Variants in MAGT1 observed in about 807,000 individuals in gnomAD.
The protein encoded by MAGT1 is dolichyl-diphosphooligosaccharide--protein glycosyltransferase subunit MAGT1.
Under a neutral mutation model 28.4 loss-of-function variants are expected in MAGT1, and 4 were observed. The ratio of observed to expected loss-of-function variants is 0.14; its 90% confidence interval spans 0.07 to 0.32. The LOEUF (loss-of-function observed/expected upper bound fraction) is 0.32, where lower values mean the gene tolerates loss of function less well. MAGT1 is among the 10% of genes least tolerant of loss of function. MAGT1 has a pLI of 1.00. For missense variants in MAGT1, 193 were observed against 264.5 expected, an observed-to-expected ratio of 0.73 and a Z score of 1.88; for synonymous variants, 89 against 89.7, an observed-to-expected ratio of 0.99 and a Z score of 0.04.
intron 3 of MAGT1, among the ~76,000 whole-genome samples, chrX:77,864,952 T>C (rs2077004584): frequency 8.9e-6 from 1 of 112,184 alleles, no homozygotes; most frequent in Non-Finnish European, 1.9e-5. Context: ...CCTGAAGTGA[T>C]CCCCACGCCT....
chrX:77,879,723 C>T (rs1242044727), intron 1 of MAGT1, among the ~76,000 whole-genome samples: 3 of 108,990 alleles, frequency 2.8e-5, no homozygotes, highest in African/African-American at 1.0e-4. Flanking sequence ...GACTTGCTTA[C>T]ATTAACATGT....
intron 1 of MAGT1, among the ~76,000 whole-genome samples, chrX:77,878,473 CA>C (rs35416085): frequency 2.6e-4 from 14 of 53,578 alleles, no homozygotes; most frequent in East Asian, 5.9e-4. Context: ...ACTCTGTCTC[CA>C]AAAAAAAAAA....
At chrX:77,848,825 C>T (rs782530924) in intron 7 of MAGT1, among the ~76,000 whole-genome samples, 4 of 110,297 alleles carry the variant, frequency 3.6e-5, no homozygotes, top group Admixed American at 9.8e-5. Context: ...CCAGCCTGGA[C>T]GACAGGGCGA....
chrX:77,841,063 A>G lies in MAGT1; in HGVS notation c.901+183T>C, dbSNP rs1285217728. 6.3e-5 allele frequency among the ~76,000 whole-genome samples: 7 copies of G among 111,514 alleles called. No individual in the cohort carries two copies. The South Asian group carries it at 1.1e-3, about 18-fold the overall frequency. ...GCTCCTGTTTTTTTACATTTTCTAT[A>G]ATGAGCATATATTAATTTTAAAATA... On this transcript the variant is annotated intron_variant, in intron 8 of 9. Coordinates refer to ENST00000618282, the MANE Select transcript of MAGT1 (RefSeq NM_001367916.1).
At chrX:77,860,480 A>C (rs1269275915) in intron 3 of MAGT1, among the ~76,000 whole-genome samples, 1 of 111,791 alleles carries the variant, frequency 8.9e-6, no homozygotes, top group Non-Finnish European at 1.9e-5. Context: ...TTATCTAATA[A>C]GGAGTTAATA....
chrX:77,895,504 C>G (rs185325713), upstream of MAGT1: 4 of 1,169,623 alleles, frequency 3.4e-6, no homozygotes, highest in Non-Finnish European at 3.4e-6. Context: ...TGCCTTTCCT[C>G]ATTGGTCCAG....
chrX:77,848,940 G>T (rs2076959413), intron 7 of MAGT1, among the ~76,000 whole-genome samples: 1 of 109,782 alleles, frequency 9.1e-6, no homozygotes, highest in African/African-American at 3.3e-5. Flanking sequence ...CTTGATTCTG[G>T]GAGGTCGAGG....
At chrX:77,839,500 C>T (rs1462913581) in intron 8 of MAGT1, among the ~76,000 whole-genome samples, 5 of 84,131 alleles carry the variant, frequency 5.9e-5, no homozygotes, top group East Asian at 4.0e-4. Context: ...TGCGCCACAA[C>T]GCCTGGCTAA....
chrX:77,849,836 T>C (rs1352293083), intron 7 of MAGT1, among the ~76,000 whole-genome samples: 9 of 104,063 alleles, frequency 8.6e-5, no homozygotes, highest in Admixed American at 7.4e-4. Flanking sequence ...GATCACACCA[T>C]TGAACTCTAG....
chrX:77,869,624 T>C (rs181373058), intron 3 of MAGT1, among the ~76,000 whole-genome samples: 6 of 108,644 alleles, frequency 5.5e-5, no homozygotes, highest in Non-Finnish European at 1.1e-4. Flanking sequence ...AAAGAAGATA[T>C]ACAAATGGCC....
intron 7 of MAGT1, among the ~76,000 whole-genome samples, chrX:77,846,114 T>G (rs1250036839): frequency 1.8e-5 from 2 of 111,746 alleles, no homozygotes; most frequent in Non-Finnish European, 3.8e-5. Context: ...CCATATTTCT[T>G]GGAGGCTTTG....
chrX:77,895,153 T>C (rs1557219776), intron 1 of MAGT1, among the ~76,000 whole-genome samples, 156 bp downstream of exon 1: 4 of 111,668 alleles, frequency 3.6e-5, no homozygotes, highest in Non-Finnish European at 1.9e-5. Context: ...GAGTTACAGT[T>C]CCTTCTCTCA....
intron 7 of MAGT1, among the ~76,000 whole-genome samples, chrX:77,844,455 G>A (rs1232382638): frequency 1.3e-4 from 15 of 111,178 alleles, no homozygotes; most frequent in Non-Finnish European, 2.3e-4. Context: ...CTTCAGTTCT[G>A]ATCTGATCTT....
chrX:77,850,455 G>A (rs1204634439), intron 7 of MAGT1, among the ~76,000 whole-genome samples: 5 of 75,544 alleles, frequency 6.6e-5, no homozygotes, highest in Non-Finnish European at 9.4e-5. Flanking sequence ...CAGTCTGGGT[G>A]ACAGAGCGAG....
At chrX:77,895,273 G>A (rs1187711116) in intron 1 of MAGT1, 36 bp downstream of exon 1, 7 of 1,198,677 alleles carry the variant, frequency 5.8e-6, no homozygotes, top group Non-Finnish European at 7.9e-6. Flanking sequence ...CCCAGTCATT[G>A]GGAAAAGCCC....
chrX:77,885,522 C>CA (rs1306233040), intron 1 of MAGT1: 107 of 80,776 alleles, frequency 1.3e-3, no homozygotes, highest in Middle Eastern at 7.9e-3. Context: ...GACTCTGTCT[C>CA]AAAAAAAAAA....
chrX:77,832,159 A>T lies in MAGT1; in HGVS notation c.902-1264T>A, dbSNP rs142424363. 3.8e-3 allele frequency among the ~76,000 whole-genome samples: 421 copies of T among 112,060 alleles called. 1 individual carries two copies. Among genetic ancestry groups the T allele is most frequent in the African/African-American group, 0.013 (398 of 30,925 alleles). On this transcript the variant is annotated intron_variant, in intron 8 of 9. Transcript: ENST00000618282. ...CCTACATTAGCACAGCAGTTATTAA[A>T]GTGAACTACAAATACTAATCCCCAA...
At chrX:77,842,609 CTTAAGTCAGGAGT>C (rs2076938209) in intron 7 of MAGT1, among the ~76,000 whole-genome samples, 1 of 110,385 alleles carries the variant, frequency 9.1e-6, no homozygotes, top group African/African-American at 3.3e-5. Context: ...GGCGGATCAC[CTTAAGTCAGGAGT>C]TCAAGACCAG....
intron 1 of MAGT1, among the ~76,000 whole-genome samples, chrX:77,893,342 G>A (rs1450653246): frequency 9.0e-6 from 1 of 111,557 alleles, no homozygotes; most frequent in Non-Finnish European, 1.9e-5. Context: ...CATAAGTCTT[G>A]TACATGCATG....
Sources: gnomAD v4.1 joint callset for allele counts (sites outside exome capture counted in the v4.1 genomes callset) on GRCh38, gnomAD v4.1.1 for gene constraint, MANE v1.5 for transcripts, NCBI Gene and HGNC (gene_info 2026-07-23, HGNC 2026-07-21) for gene names.